TSPAN9: variants seen among roughly 807,000 people sequenced by gnomAD.
TSPAN9 encodes tetraspanin 9.
A neutral mutation model predicts 31.0 loss-of-function variants in TSPAN9; 16 were observed. The ratio of observed to expected loss-of-function variants is 0.52; its 90% confidence interval spans 0.35 to 0.78. TSPAN9 has a LOEUF of 0.78. Ranked by LOEUF, TSPAN9 falls within the 30% of genes least tolerant of loss-of-function variation. TSPAN9 has a pLI of 0.01. For missense variants in TSPAN9, 272 were observed against 312.5 expected, an observed-to-expected ratio of 0.87 and a Z score of 0.98; for synonymous variants, 145 against 121.6, an observed-to-expected ratio of 1.19 and a Z score of -1.27.
chr12:3,201,791 A>T (rs1030892596), intron 3 of TSPAN9, among the ~76,000 whole-genome samples: 1 of 152,226 alleles, frequency 6.6e-6, no homozygotes, highest in African/African-American at 2.4e-5. Flanking sequence ...GAAAAAGAGG[A>T]GGAGCCCCTG....
At chr12:3,109,311 T>TGA (rs1356693020) in intron 2 of TSPAN9, among the ~76,000 whole-genome samples, 1 of 105,344 alleles carries the variant, frequency 9.5e-6, no homozygotes, top group African/African-American at 3.7e-5. Flanking sequence ...AGAGAGAGTG[T>TGA]GTGTGTGTGT....
At chr12:3,228,489 A>T (rs1357539789) in intron 3 of TSPAN9, among the ~76,000 whole-genome samples, 4 of 152,234 alleles carry the variant, frequency 2.6e-5, no homozygotes, top group African/African-American at 9.6e-5. Flanking sequence ...AAGATCCAGG[A>T]CTAGCTTAGG....
intron 3 of TSPAN9, among the ~76,000 whole-genome samples, chr12:3,275,817 TAA>T (rs1279306697): frequency 1.3e-5 from 2 of 152,192 alleles, no homozygotes; most frequent in Non-Finnish European, 2.9e-5. Context: ...CTGCTGGACG[TAA>T]ATCATTCGGA....
chr12:3,116,153 C>T (rs1310603089), intron 2 of TSPAN9, among the ~76,000 whole-genome samples: 1 of 152,106 alleles, frequency 6.6e-6, no homozygotes, highest in African/African-American at 2.4e-5. Flanking sequence ...TAGTGATGTC[C>T]CTGTTGCATT....
At chr12:3,106,750 A>G (rs971628601) in intron 2 of TSPAN9, among the ~76,000 whole-genome samples, 1 of 150,530 alleles carries the variant, frequency 6.6e-6, no homozygotes, top group Admixed American at 6.6e-5. Flanking sequence ...CAGCCTGGGC[A>G]ACAGAGTGAG....
chr12:3,236,005 G>C (rs762448565), intron 3 of TSPAN9, among the ~76,000 whole-genome samples: 23 of 152,248 alleles, frequency 1.5e-4, no homozygotes, highest in Non-Finnish European at 2.8e-4. Flanking sequence ...TCCTGATTCA[G>C]GGTTCCACAG....
rs1332846305 is a variant in TSPAN9, at chr12:3,172,899, G to A, written c.-17-28278G>A. 1 of 152,244 alleles carries A rather than the reference G, an allele frequency of 6.6e-6. No homozygotes were observed. Among genetic ancestry groups the A allele is most frequent in the Non-Finnish European group, 1.5e-5 (1 of 68,056 alleles). The allele number at this position is 152,244 out of a possible 1,614,324, so 9.4% of individuals were successfully genotyped here. ...AACAGAGAGGCTGGTCCCAGCGCAG[G>A]TTGTTACCACCGCTGGGCCCTCCCA... On this transcript the variant is annotated intron_variant, in intron 2 of 8. Coordinates refer to ENST00000011898, the MANE Select transcript of TSPAN9 (RefSeq NM_006675.5). The surrounding 1 kb of genome is among the most constrained non-coding windows in gnomAD (Gnocchi z 4.8).
At chr12:3,090,762 C>T (rs2098304022) in intron 2 of TSPAN9, among the ~76,000 whole-genome samples, 1 of 152,122 alleles carries the variant, frequency 6.6e-6, no homozygotes, top group Non-Finnish European at 1.5e-5. Flanking sequence ...GGAATAGACC[C>T]CACAGGTAAT....
chr12:3,211,592 C>CTTTTT, intron 3 of TSPAN9: 1 of 928,624 alleles, frequency 1.1e-6, no homozygotes, highest in South Asian at 1.7e-5. Context: ...AAATTGCTGT[C>CTTTTT]TTTTTTTTTT....
At chr12:3,209,551 G>A (rs1392544388) in intron 3 of TSPAN9, among the ~76,000 whole-genome samples, 1 of 152,206 alleles carries the variant, frequency 6.6e-6, no homozygotes, top group Non-Finnish European at 1.5e-5. Flanking sequence ...CCTGCTGCAT[G>A]TGACTAGTAC....
At chr12:3,186,514 G>A (rs1341993805) in intron 2 of TSPAN9, among the ~76,000 whole-genome samples, 2 of 150,990 alleles carry the variant, frequency 1.3e-5, no homozygotes, top group African/African-American at 4.9e-5. Context: ...GGACAATGTC[G>A]CTGGAGTGGA....
At chr12:3,188,930 G>A (rs1374591539) in intron 2 of TSPAN9, among the ~76,000 whole-genome samples, 1 of 152,222 alleles carries the variant, frequency 6.6e-6, no homozygotes, top group Non-Finnish European at 1.5e-5. Context: ...TCTGTGCATT[G>A]TGGGAGGGAC....
At chr12:3,221,330 TAA>T (rs2098384405) in intron 3 of TSPAN9, among the ~76,000 whole-genome samples, 1 of 151,726 alleles carries the variant, frequency 6.6e-6, no homozygotes, top group African/African-American at 2.4e-5. Flanking sequence ...CCATTGAAGA[TAA>T]GTTATTTTTT....
chr12:3,145,502 G>A (rs530461062), intron 2 of TSPAN9, among the ~76,000 whole-genome samples: 7 of 152,260 alleles, frequency 4.6e-5, no homozygotes, highest in Non-Finnish European at 1.0e-4. Context: ...ACCCACCTCA[G>A]TACATCTTGC....
chr12:3,221,923 T>C (rs1408388884), intron 3 of TSPAN9, among the ~76,000 whole-genome samples: 1 of 152,260 alleles, frequency 6.6e-6, no homozygotes, highest in Non-Finnish European at 1.5e-5. Context: ...ATGATTGGTA[T>C]AAGCCACCGT....
At chr12:3,263,326 A>C (rs1483377638) in intron 3 of TSPAN9, among the ~76,000 whole-genome samples, 1 of 152,244 alleles carries the variant, frequency 6.6e-6, no homozygotes, top group African/African-American at 2.4e-5. Flanking sequence ...GCCCGTTGGC[A>C]GCACATAGTC....
intron 2 of TSPAN9, among the ~76,000 whole-genome samples, chr12:3,153,203 G>T (rs1045812125): frequency 6.6e-6 from 1 of 152,168 alleles, no homozygotes; most frequent in Non-Finnish European, 1.5e-5. Context: ...TTCCTGCCTA[G>T]CCCTTATCAT....
Position 3,124,577 on chromosome 12 carries a change from A to C in TSPAN9, c.-18+40858A>C, listed in dbSNP as rs182892453. On this transcript the variant is annotated intron_variant, in intron 2 of 8. Coordinates refer to ENST00000011898, the MANE Select transcript of TSPAN9 (RefSeq NM_006675.5). ...CATGCACAACCAACACGCGTGGCTAATTTTGGATTTTTAGTAGAGACAGGG... is the reference window on the plus strand; with the variant it reads ...CATGCACAACCAACACGCGTGGCTACTTTTGGATTTTTAGTAGAGACAGGG... Among the ~76,000 whole-genome samples, 4 of 151,878 alleles carry C rather than the reference A, an allele frequency of 2.6e-5. No homozygotes were observed. In the East Asian group the frequency reaches 7.8e-4, roughly 30 times the overall value.
Position 3,187,211 on chromosome 12 carries a change from C to A in TSPAN9, c.-17-13966C>A, listed in dbSNP as rs2098361868. 6.6e-6 allele frequency among the ~76,000 whole-genome samples: 1 copy of A among 152,136 alleles called. No individual in the cohort carries two copies. The highest frequency in any genetic ancestry group is 2.4e-5 in the African/African-American group (1 of 41,422). On this transcript the variant is annotated intron_variant, in intron 2 of 8. Coordinates refer to ENST00000011898, the MANE Select transcript of TSPAN9 (RefSeq NM_006675.5). The surrounding 1 kb of genome is among the most constrained non-coding windows in gnomAD (Gnocchi z 5.2). ...GTGTGGTCAGAAAGAGCACAGGGGA[C>A]ACTGGATGAGGGTGATGAAGGTTGG... is the stretch of plus-strand genomic sequence containing the variant.
Sources: gnomAD v4.1 joint callset for allele counts (sites outside exome capture counted in the v4.1 genomes callset) on GRCh38, gnomAD v4.1.1 for gene constraint, Gnocchi (gnomAD v3.1) non-coding constraint, MANE v1.5 for transcripts, NCBI Gene and HGNC (gene_info 2026-07-23, HGNC 2026-07-21) for gene names.